PTPRT: variants seen among roughly 807,000 people sequenced by gnomAD.
The protein encoded by PTPRT is protein tyrosine phosphatase receptor type T, also known as receptor-type tyrosine-protein phosphatase T.
A neutral mutation model predicts 176.8 loss-of-function variants in PTPRT; 56 were observed. That is an observed-to-expected ratio of 0.32 (90% CI 0.26 to 0.40). The LOEUF (loss-of-function observed/expected upper bound fraction) is 0.40, where lower values mean the gene tolerates loss of function less well. PTPRT is among the 10% of genes least tolerant of loss of function. The probability of loss-of-function intolerance (pLI) is 1.00; values close to 1 mark genes in which losing one functional copy is unlikely to be tolerated. For missense variants in PTPRT, 1,540 were observed against 1,908.2 expected (o/e 0.81, Z 3.60); for synonymous variants, 783 against 739.0 (o/e 1.06, Z -0.96).
chr20:42,685,009 T>C (rs569389484), intron 6 of PTPRT, among the ~76,000 whole-genome samples: 1 of 152,060 alleles, frequency 6.6e-6, no homozygotes, highest in African/African-American at 2.4e-5. Context: ...TAGATACCCA[T>C]CCAAAGTCAA....
intron 13 of PTPRT, among the ~76,000 whole-genome samples, chr20:42,280,894 C>T (rs966324391): frequency 4.6e-5 from 7 of 152,086 alleles, no homozygotes; most frequent in Non-Finnish European, 1.0e-4. Flanking sequence ...TATGACCCAG[C>T]CAGCTACCCT....
intron 27 of PTPRT, among the ~76,000 whole-genome samples, chr20:42,090,884 C>A (rs916056133): frequency 1.3e-5 from 2 of 152,176 alleles, no homozygotes; most frequent in African/African-American, 4.8e-5. Context: ...AGAATAGATT[C>A]AAATTCTTCA....
chr20:42,955,696 A>C (rs929856135), intron 1 of PTPRT, among the ~76,000 whole-genome samples: 5 of 152,108 alleles, frequency 3.3e-5, no homozygotes, highest in Admixed American at 6.5e-5. Flanking sequence ...AGACTACCTG[A>C]CTTTGATCCC....
At chr20:42,535,230 A>G (rs1346888457) in intron 7 of PTPRT, among the ~76,000 whole-genome samples, 1 of 152,178 alleles carries the variant, frequency 6.6e-6, no homozygotes, top group Non-Finnish European at 1.5e-5. Context: ...AGGATAGAAA[A>G]CTGAATAATG....
intron 18 of PTPRT, among the ~76,000 whole-genome samples, chr20:42,133,840 T>C (rs896325333): frequency 6.6e-6 from 1 of 152,190 alleles, no homozygotes; most frequent in Non-Finnish European, 1.5e-5. Flanking sequence ...AACCTAAAAC[T>C]GCTCTAAAGA....
intron 1 of PTPRT, among the ~76,000 whole-genome samples, chr20:42,900,336 C>G (rs1225316177): frequency 1.3e-5 from 2 of 152,186 alleles, no homozygotes; most frequent in Non-Finnish European, 2.9e-5. Context: ...TTATAATCAG[C>G]TGTCTTCAGG....
intron 7 of PTPRT, among the ~76,000 whole-genome samples, chr20:42,497,364 TCTC>T (rs1248234227): frequency 2.0e-5 from 3 of 151,844 alleles, no homozygotes; most frequent in Non-Finnish European, 4.4e-5. Flanking sequence ...AGATATCCTT[TCTC>T]CTCAATTATT....
intron 1 of PTPRT, among the ~76,000 whole-genome samples, chr20:42,994,021 G>A (rs1352026827): frequency 6.6e-6 from 1 of 152,124 alleles, no homozygotes; most frequent in Admixed American, 6.5e-5. Context: ...CATCCATTAA[G>A]TAACGGGAAT....
intron 1 of PTPRT, among the ~76,000 whole-genome samples, chr20:42,965,923 T>C (rs777078478): frequency 6.6e-6 from 1 of 152,212 alleles, no homozygotes; most frequent in South Asian, 2.1e-4. Context: ...TAATATTCAA[T>C]GAGCATTTAA....
chr20:42,289,751 A>T (rs957349590), intron 12 of PTPRT, among the ~76,000 whole-genome samples: 7 of 152,038 alleles, frequency 4.6e-5, no homozygotes, highest in African/African-American at 1.7e-4. Flanking sequence ...AACTTTCCTT[A>T]ATCTTCCCTT....
At chr20:42,880,236 T>C (rs1203334487) in intron 2 of PTPRT, among the ~76,000 whole-genome samples, 1 of 151,610 alleles carries the variant, frequency 6.6e-6, no homozygotes, top group Non-Finnish European at 1.5e-5. Context: ...CCAGAGAAAA[T>C]CACAACAGTC....
At chr20:42,430,194 C>T (rs2059203599) in intron 9 of PTPRT, among the ~76,000 whole-genome samples, 1 of 152,166 alleles carries the variant, frequency 6.6e-6, no homozygotes, top group Admixed American at 6.5e-5. Flanking sequence ...ACAGATATAA[C>T]TGGGCAAGGG....
chr20:42,488,314 A>G (rs1358460198), intron 7 of PTPRT, among the ~76,000 whole-genome samples: 2 of 152,194 alleles, frequency 1.3e-5, no homozygotes, highest in African/African-American at 2.4e-5. Context: ...TTGACAAAGT[A>G]CTGTCAGATT....
intron 6 of PTPRT, chr20:42,688,474 T>C (rs918053178): frequency 1.3e-5 from 2 of 152,252 alleles, no homozygotes; most frequent in African/African-American, 4.8e-5. Flanking sequence ...CCTGCCATTT[T>C]TGGCTACCTT....
At position 42,242,132 on chromosome 20, in the gene PTPRT, T is replaced by C. The variant is rs546782961; in HGVS notation, c.2313-5874A>G. Among the ~76,000 whole-genome samples the C allele has an allele frequency of 8.5e-5, 13 of 152,302 alleles. No individual in the cohort carries two copies. In the South Asian group the frequency reaches 2.1e-3, roughly 24 times the overall value. On this transcript the variant is annotated intron_variant, in intron 14 of 30. Coordinates refer to ENST00000373187, the MANE Select transcript of PTPRT (RefSeq NM_007050.6). ...AAACAAAACAAAACAAAACAAAATTTTGTGGCAATGTGCTCTCTGAAGGCT... is the reference window on the plus strand; with the variant it reads ...AAACAAAACAAAACAAAACAAAATTCTGTGGCAATGTGCTCTCTGAAGGCT...
intron 29 of PTPRT, among the ~76,000 whole-genome samples, chr20:42,084,086 A>C (rs1983629737): frequency 6.6e-6 from 1 of 152,242 alleles, no homozygotes; most frequent in Non-Finnish European, 1.5e-5. Flanking sequence ...ATACCCAATG[A>C]ACAGACGAGG....
intron 1 of PTPRT, among the ~76,000 whole-genome samples, chr20:42,900,602 CAGG>C (rs1213413643): frequency 6.6e-6 from 1 of 152,138 alleles, no homozygotes; most frequent in African/African-American, 2.4e-5. Flanking sequence ...ACATAGAAGA[CAGG>C]AGATGAAATC....
chr20:42,046,856 G>C, the PTPRT span, among the ~76,000 whole-genome samples: 1 of 152,130 alleles, frequency 6.6e-6, no homozygotes, highest in Non-Finnish European at 1.5e-5. Context: ...GGCTCTGCCT[G>C]TAGCCACAGA....
chr20:43,053,093 A>G (rs1267871808), intron 1 of PTPRT, among the ~76,000 whole-genome samples: 3 of 152,180 alleles, frequency 2.0e-5, no homozygotes, highest in African/African-American at 7.2e-5. Flanking sequence ...CACAGGCTAC[A>G]ACACGGGTGA....
Sources: allele counts gnomAD v4.1 joint callset (sites outside exome capture counted in the v4.1 genomes callset), GRCh38; gene constraint gnomAD v4.1.1; transcripts MANE v1.5; gene names NCBI Gene and HGNC (gene_info 2026-07-23, HGNC 2026-07-21).